The following CREBL2 variants were observed in gnomAD, a reference collection of about 807,000 sequenced individuals.
CREBL2 encodes cAMP responsive element binding protein like 2.
A neutral mutation model predicts 19.5 loss-of-function variants in CREBL2; 4 were observed. That is an observed-to-expected ratio of 0.20 (90% CI 0.10 to 0.47). CREBL2 has a LOEUF of 0.47. CREBL2 is among the 20% of genes least tolerant of loss of function. CREBL2 has a pLI of 0.98. For synonymous variants in CREBL2, 42 were observed against 46.6 expected (o/e 0.90, Z 0.40); for missense variants, 85 against 145.1 (o/e 0.59, Z 2.13).
intron 1 of CREBL2, among the ~76,000 whole-genome samples, chr12:12,619,833 C>T (rs749893772): frequency 9.2e-5 from 14 of 152,154 alleles, no homozygotes; most frequent in Non-Finnish European, 1.8e-4. Flanking sequence ...TGCAGCATGC[C>T]AATGTGAGCT....
rs74522642 is a variant in CREBL2 at position 12,630,338 on chromosome 12, T to C, written c.16-5439T>C. The stretch of plus-strand genomic sequence containing the variant: ...TGAGTCTGTTTTGCTACTTTGTGTC[T>C]TTCTAGGAATTTGTCCATTTCATCT... On this transcript the variant is annotated intron_variant, in intron 1 of 3. Transcript: ENST00000228865. 1.6e-3 allele frequency among the ~76,000 whole-genome samples: 245 copies of C among 152,294 alleles called. 3 individuals carry two copies. Among genetic ancestry groups the C allele is most frequent in the African/African-American group, 5.6e-3 (233 of 41,578 alleles).
chr12:12,621,203 C>T (rs934886886), intron 1 of CREBL2, among the ~76,000 whole-genome samples: 1 of 152,174 alleles, frequency 6.6e-6, no homozygotes, highest in African/African-American at 2.4e-5. Flanking sequence ...ATGGGCATGG[C>T]TGTGTTCCAG....
At chr12:12,623,914 C>T (rs1461580740) in intron 1 of CREBL2, among the ~76,000 whole-genome samples, 2 of 152,132 alleles carry the variant, frequency 1.3e-5, no homozygotes, top group African/African-American at 4.8e-5. Context: ...GCAGCGTGAC[C>T]ACTGAGGCAG....
At chr12:12,620,782 A>G (rs1326903487) in intron 1 of CREBL2, among the ~76,000 whole-genome samples, 1 of 152,260 alleles carries the variant, frequency 6.6e-6, no homozygotes. Flanking sequence ...GCATTGTGCT[A>G]GGCATTGGAG....
intron 1 of CREBL2, among the ~76,000 whole-genome samples, chr12:12,622,292 T>C (rs1364228336): frequency 2.0e-5 from 3 of 152,154 alleles, no homozygotes; most frequent in Non-Finnish European, 4.4e-5. Context: ...GACTTTACAA[T>C]GTAAGTTGCA....
chr12:12,636,411 ATTTTTATTTTTTAT>A, intron 2 of CREBL2, among the ~76,000 whole-genome samples: 1 of 152,072 alleles, frequency 6.6e-6, no homozygotes, highest in Non-Finnish European at 1.5e-5. Flanking sequence ...TTATTTATTT[ATTTTTATTTTTTAT>A]TTTTTATTTT....
chr12:12,629,164 G>T lies in CREBL2; in HGVS notation c.16-6613G>T, dbSNP rs562812920. 3.9e-4 allele frequency among the ~76,000 whole-genome samples: 60 copies of T among 152,290 alleles called. No individual in the cohort carries two copies. The Middle Eastern group carries it at 0.014, about 35-fold the overall frequency. ...CCAATTTCAGCAAAAAGGTAGCTGA[G>T]ATTTTGATAGGAATTTTGTTGAAAC... On this transcript the variant is annotated intron_variant, in intron 1 of 3. Coordinates refer to ENST00000228865, the MANE Select transcript of CREBL2 (RefSeq NM_001310.4).
At chr12:12,633,878 T>A (rs370540341) in intron 1 of CREBL2, among the ~76,000 whole-genome samples, 1 of 152,228 alleles carries the variant, frequency 6.6e-6, no homozygotes, top group Non-Finnish European at 1.5e-5. Flanking sequence ...TTCTAATGAT[T>A]TGCCAGTGTT....
intron 1 of CREBL2, among the ~76,000 whole-genome samples, chr12:12,621,545 C>G (rs990387193): frequency 7.2e-6 from 1 of 138,992 alleles, no homozygotes; most frequent in African/African-American, 2.7e-5. Flanking sequence ...AAAAAAAAAA[C>G]TGGCAGCAGG....
At chr12:12,617,369 C>T (rs1945318298) in intron 1 of CREBL2, among the ~76,000 whole-genome samples, 1 of 152,106 alleles carries the variant, frequency 6.6e-6, no homozygotes, top group South Asian at 2.1e-4. Context: ...TAGCAGAGCT[C>T]AAATACTGAG....
chr12:12,630,886 C>T (rs1250934520), intron 1 of CREBL2, among the ~76,000 whole-genome samples: 3 of 152,144 alleles, frequency 2.0e-5, no homozygotes, highest in Non-Finnish European at 2.9e-5. Flanking sequence ...TCTAATTTCT[C>T]TCATAATCAC....
chr12:12,637,848 CAG>C, intron 3 of CREBL2, 134 bp downstream of exon 3: 1 of 964,612 alleles, frequency 1.0e-6, no homozygotes, highest in South Asian at 2.8e-5. Context: ...CAAGACCAGA[CAG>C]GGCAACATGG....
At chr12:12,634,279 A>G (rs1182534029) in intron 1 of CREBL2, among the ~76,000 whole-genome samples, 1 of 152,266 alleles carries the variant, frequency 6.6e-6, no homozygotes, top group Non-Finnish European at 1.5e-5. Flanking sequence ...TACATCTTGC[A>G]TAAAAACTTG....
At position 12,644,669 on chromosome 12, in the gene CREBL2, C is replaced by T. The variant is rs15597; in HGVS notation, c.*2671C>T. On this transcript the variant is annotated 3_prime_UTR_variant, in exon 4 of 4. Transcript: ENST00000228865. ...TTTTCTATTTTATCTAAAATCTTTC[C>T]ATTATATCTAAATTAGAATGATCAT... 0.89 allele frequency: 136,554 copies of T among 152,636 alleles called. 61,734 individuals carry two copies. The highest frequency in any genetic ancestry group is 0.96 in the Non-Finnish European group (65,289 of 68,040). The allele number at this position is 152,636 out of a possible 1,614,324, so 9.5% of individuals were successfully genotyped here.
At chr12:12,629,651 G>T (rs1945427953) in intron 1 of CREBL2, among the ~76,000 whole-genome samples, 1 of 152,108 alleles carries the variant, frequency 6.6e-6, no homozygotes. Flanking sequence ...TTAAATAGAA[G>T]TGATGAGAGA....
At chr12:12,634,071 G>A (rs4763859) in intron 1 of CREBL2, among the ~76,000 whole-genome samples, 55,184 of 151,992 alleles carry the variant, frequency 0.36, 10,213 homozygotes, top group South Asian at 0.46. Context: ...AAAGAATAGT[G>A]TATAGTTCTA....
At chr12:12,632,072 T>C (rs10082883) in intron 1 of CREBL2, among the ~76,000 whole-genome samples, 137 of 72,182 alleles carry the variant, frequency 1.9e-3, no homozygotes, top group East Asian at 5.2e-3. Flanking sequence ...GCCTTTCTTT[T>C]TTTTTTTTTT....
At chr12:12,621,599 G>T (rs1246263447) in intron 1 of CREBL2, among the ~76,000 whole-genome samples, 1 of 151,890 alleles carries the variant, frequency 6.6e-6, no homozygotes, top group Non-Finnish European at 1.5e-5. Flanking sequence ...TTAACCCTGA[G>T]CTACAGCGTA....
At position 12,612,295 on chromosome 12, in the gene CREBL2, T is replaced by TA. The variant is rs1244004645; in HGVS notation, c.15+112dup. ...CGCCAACACCCAAGAGACACCTGCC[T>TA]AAAACATCCCTGCGCCTCTCCAGTC... On this transcript the variant is annotated intron_variant, in intron 1 of 3. Coordinates refer to ENST00000228865, the MANE Select transcript of CREBL2 (RefSeq NM_001310.4). 8.8e-6 allele frequency: 14 copies of TA among 1,584,916 alleles called. No homozygotes were observed. The East Asian group carries it at 3.2e-4, about 36-fold the overall frequency.
Sources: gnomAD v4.1 joint callset for allele counts (sites outside exome capture counted in the v4.1 genomes callset) on GRCh38, gnomAD v4.1.1 for gene constraint, MANE v1.5 for transcripts, NCBI Gene and HGNC (gene_info 2026-07-23, HGNC 2026-07-21) for gene names.